FLT3: variants seen among roughly 807,000 people sequenced by gnomAD.
FLT3 encodes fms related receptor tyrosine kinase 3, also known as receptor-type tyrosine-protein kinase FLT3.
FLT3 carries 46 observed loss-of-function variants against 126.6 expected under a neutral mutation model. The observed-to-expected ratio is 0.36, with a 90% CI of 0.29 to 0.46. The LOEUF is 0.46. FLT3 is among the 20% of genes least tolerant of loss of function. The probability of loss-of-function intolerance (pLI) is 1.00; values close to 1 mark genes in which losing one functional copy is unlikely to be tolerated. For synonymous variants in FLT3, 404 were observed against 434.4 expected, an observed-to-expected ratio of 0.93 and a Z score of 0.87; for missense variants, 1,069 against 1,190.3, an observed-to-expected ratio of 0.90 and a Z score of 1.50.
intron 1 of FLT3, among the ~76,000 whole-genome samples, chr13:28,098,314 C>CAAAAAAAAAAAAAAAAAAAAAA (rs55675449): frequency 5.9e-5 from 5 of 85,298 alleles, no homozygotes; most frequent in African/African-American, 2.0e-4. Context: ...GACTCCGTCT[C>CAAAAAAAAAAAAAAAAAAAAAA]AAAAAAAAAA....
chr13:28,049,711 C>A lies in FLT3; in HGVS notation c.806G>T (p.Trp269Leu). The change falls in exon 7 of 24, where the codon TGG becomes TTG. Residue 269 changes from tryptophan to leucine, a missense_variant. Trp to Leu is a moderately conservative substitution (Grantham distance 61, BLOSUM62 -2). Transcript: ENST00000241453. ...QLFLKVGEPL[W>L]IRCKAVHVNH... The stretch of plus-strand genomic sequence containing the variant: ...CACATGAACAGCTTTGCACCTTATC[C>A]ATAAGGGTTCCCCTACTTTAAGAAA... The A allele has an allele frequency of 6.2e-7, 1 of 1,613,980 alleles. No individual in the cohort carries two copies. Among genetic ancestry groups the A allele is most frequent in the South Asian group, 1.1e-5 (1 of 91,072 alleles).
At chr13:28,015,534 G>T in intron 21 of FLT3, 56 bp downstream of exon 21, 3 of 969,224 alleles carry the variant, frequency 3.1e-6, no homozygotes, top group Non-Finnish European at 3.3e-6. Context: ...GCGGCACCGA[G>T]AGAGCAGAGG....
In FLT3 at chr13:28,012,416, CT is replaced by C. The variant is rs562592877; in HGVS notation, c.2859+2035del. On this transcript the variant is annotated intron_variant, in intron 23 of 23. Coordinates refer to ENST00000241453, the MANE Select transcript of FLT3 (RefSeq NM_004119.3). Reference sequence around the variant, plus strand: ...CCATCCTGGCGACACGAGCTTTGCACTTTTTTTTCCCTCTCTACTCCCCCAT... The same window carrying C: ...CCATCCTGGCGACACGAGCTTTGCACTTTTTTTCCCTCTCTACTCCCCCAT... Among the ~76,000 whole-genome samples, 58 of 152,108 alleles carry C rather than the reference CT, an allele frequency of 3.8e-4. No individual in the cohort carries two copies. In the South Asian group the frequency reaches 0.01, roughly 27 times the overall value.
At chr13:28,058,908 G>T (rs550806920) in intron 3 of FLT3, among the ~76,000 whole-genome samples, 204 of 152,318 alleles carry the variant, frequency 1.3e-3, no homozygotes, top group Non-Finnish European at 2.2e-3. Flanking sequence ...TTTGGGAGGC[G>T]AGGTAGGAGG....
intron 2 of FLT3, among the ~76,000 whole-genome samples, chr13:28,069,753 T>C (rs910314834): frequency 6.6e-6 from 1 of 152,260 alleles, no homozygotes. Flanking sequence ...ATTCACATAG[T>C]TGTTTAGGTA....
chr13:28,099,872 CATA>C (rs1207650473), intron 1 of FLT3, among the ~76,000 whole-genome samples: 2 of 152,158 alleles, frequency 1.3e-5, no homozygotes, highest in South Asian at 4.1e-4. Context: ...AATCTGTTTG[CATA>C]ATATTTCCTA....
At chr13:28,091,369 C>T (rs922954528) in intron 1 of FLT3, among the ~76,000 whole-genome samples, 2 of 149,080 alleles carry the variant, frequency 1.3e-5, no homozygotes, top group Admixed American at 6.7e-5. Context: ...CTACAGGCGC[C>T]CGCCACCACG....
chr13:28,064,830 T>C (rs916587691), intron 2 of FLT3, among the ~76,000 whole-genome samples: 3 of 152,154 alleles, frequency 2.0e-5, no homozygotes, highest in African/African-American at 7.2e-5. Flanking sequence ...TGCGATTCAC[T>C]CACCATTTGA....
chr13:28,015,926 G>T (rs1013755497), intron 20 of FLT3, among the ~76,000 whole-genome samples: 1 of 152,076 alleles, frequency 6.6e-6, no homozygotes, highest in Admixed American at 6.6e-5. Context: ...CTCGAACAAA[G>T]GCTTGTGCTT....
intron 9 of FLT3, among the ~76,000 whole-genome samples, chr13:28,038,393 AAG>A (rs1219551405): frequency 6.6e-6 from 1 of 152,110 alleles, no homozygotes; most frequent in African/African-American, 2.4e-5. Context: ...AAAACAGAAA[AAG>A]AAATCTAAGG....
chr13:28,035,374 C>A, intron 12 of FLT3, 121 bp downstream of exon 12: 1 of 927,420 alleles, frequency 1.1e-6, no homozygotes, highest in East Asian at 2.5e-5. Context: ...CTCAAGAAAC[C>A]TTTTCTCACA....
chr13:28,006,344 C>T (rs993664711), intron 23 of FLT3, among the ~76,000 whole-genome samples: 51 of 139,430 alleles, frequency 3.7e-4, no homozygotes, highest in Non-Finnish European at 6.6e-4. Flanking sequence ...GTGTGTGTAT[C>T]CTTTGACCCA....
chr13:28,011,309 C>CA (rs1232475142), intron 23 of FLT3, among the ~76,000 whole-genome samples: 15 of 40,598 alleles, frequency 3.7e-4, no homozygotes, highest in East Asian at 8.3e-4. Context: ...GACTCTGTCT[C>CA]AAAAAAAAAG....
chr13:28,037,847 C>G (rs9554224), intron 9 of FLT3, among the ~76,000 whole-genome samples: 15,039 of 152,104 alleles, frequency 0.099, 1,264 homozygotes, highest in African/African-American at 0.22. Flanking sequence ...CCCACAGGAG[C>G]GGAAACCCCA....
intron 9 of FLT3, among the ~76,000 whole-genome samples, chr13:28,045,854 C>CAA (rs11356393): frequency 0.013 from 1,675 of 125,644 alleles, 39 homozygotes; most frequent in African/African-American, 0.047. Flanking sequence ...GACTCTGTCT[C>CAA]AAAAAAAAAA....
chr13:28,049,378 C>T lies in FLT3; in HGVS notation c.1036+6G>A. The T allele has an allele frequency of 6.2e-7, 1 of 1,611,348 alleles. No individual in the cohort carries two copies. Among genetic ancestry groups the T allele is most frequent in the Non-Finnish European group, 8.5e-7 (1 of 1,178,640 alleles). ...GAATAAAGATTGTGTGAGCAGCCTGCATTACCTACGATGGTAACCAAAGCT... is the reference window on the plus strand; with the variant it reads ...GAATAAAGATTGTGTGAGCAGCCTGTATTACCTACGATGGTAACCAAAGCT... On this transcript the variant is annotated splice_donor_region_variant and intron_variant, in intron 8 of 23. Coordinates refer to ENST00000241453, the MANE Select transcript of FLT3 (RefSeq NM_004119.3).
At chr13:28,098,829 TATA>T (rs1171968405) in intron 1 of FLT3, among the ~76,000 whole-genome samples, 1 of 151,668 alleles carries the variant, frequency 6.6e-6, no homozygotes, top group Non-Finnish European at 1.5e-5. Flanking sequence ...ATCTTATTAT[TATA>T]ATGTTGAGTA....
At chr13:28,052,805 T>A (rs1423321384) in intron 4 of FLT3, 131 bp from the exon 5 acceptor site, 1 of 523,624 alleles carries the variant, frequency 1.9e-6, no homozygotes, top group Non-Finnish European at 3.2e-6. Flanking sequence ...TCTTTTTTCA[T>A]AATAAAGGCA....
chr13:28,098,585 C>A (rs1312137891), intron 1 of FLT3, among the ~76,000 whole-genome samples: 1 of 152,084 alleles, frequency 6.6e-6, no homozygotes, highest in Non-Finnish European at 1.5e-5. Context: ...CTGAACATAT[C>A]CCTTCCCTAT....
Sources: gnomAD v4.1 joint callset for allele counts (sites outside exome capture counted in the v4.1 genomes callset) on GRCh38, gnomAD v4.1.1 for gene constraint, MANE v1.5 for transcripts, NCBI Gene and HGNC (gene_info 2026-07-23, HGNC 2026-07-21) for gene names.